Variants in MMS19 observed in about 807,000 individuals in gnomAD.
MMS19 encodes the protein MMS19 nucleotide excision repair protein homolog.
Under a neutral mutation model 129.8 loss-of-function variants are expected in MMS19, and 77 were observed. The ratio of observed to expected loss-of-function variants is 0.59; its 90% CI spans 0.49 to 0.72. MMS19 has a LOEUF of 0.72. Ranked by LOEUF, MMS19 falls within the 30% of genes least tolerant of loss-of-function variation. The pLI, the probability that MMS19 is intolerant of heterozygous loss-of-function variation, is 0.00. For missense variants in MMS19, 1,168 were observed against 1,266.3 expected (o/e 0.92, Z 1.18); for synonymous variants, 491 against 502.8 (o/e 0.98, Z 0.31).
rs1461903570 is a variant in MMS19, at chr10:97,460,970, G to A, written c.2349C>T (p.Asp783=). The change falls in exon 24 of 31, where the codon GAC becomes GAT. Residue 783 remains aspartate, a synonymous_variant. Transcript: ENST00000438925. ...CAGAGCCCAGGCCAGCCTCCACTTT[G>A]TCCACAGCTAGCTGTAGGAATTCAT... ...QLDEFLQLAV[D]KVEAGLGSGP... is the part of the protein sequence containing the mutation. 1.7e-5 allele frequency: 26 copies of A among 1,573,072 alleles called. No homozygotes were observed. The highest frequency in any genetic ancestry group is 2.7e-5 in the African/African-American group (2 of 74,102).
Position 97,460,102 on chromosome 10 carries a change from C to G in MMS19, c.2600G>C (p.Arg867Pro). ...AGCAGGCACATTATCTGTGAAGAAC[C>G]GCTGGCGGAACATGATCCGCACTTC... ...HAEVRIMFRQ[R>P]FFTDNVPALV... The change falls in exon 26 of 31, where the codon CGG becomes CCG. Residue 867 changes from arginine to proline, a missense_variant. By Grantham distance (103) the Arg-to-Pro change is moderately radical. Transcript: ENST00000438925. The G allele has an allele frequency of 3.1e-6, 5 of 1,614,006 alleles. No individual in the cohort carries two copies. Among genetic ancestry groups the G allele is most frequent in the Non-Finnish European group, 4.2e-6 (5 of 1,179,900 alleles).
rs2035254496 is a variant in MMS19, at chr10:97,473,910, A to C, written c.684+2773T>G. Among the ~76,000 whole-genome samples the C allele has an allele frequency of 2.0e-5, 3 of 152,144 alleles. No homozygotes were observed. In the South Asian group the frequency reaches 6.2e-4, roughly 32 times the overall value. ...GTAATCCCAACACTTTGGGAAGTCG[A>C]GGCAGGTGGATGGCTTGAGCCCAGG... On this transcript the variant is annotated intron_variant, in intron 8 of 30. Coordinates refer to ENST00000438925, the MANE Select transcript of MMS19 (RefSeq NM_022362.5).
chr10:97,458,953 A>G (rs2030741275), intron 29 of MMS19, 53 bp from the exon 30 acceptor site: 1 of 1,552,946 alleles, frequency 6.4e-7, no homozygotes, highest in Non-Finnish European at 8.9e-7. Context: ...AACTGAAAGT[A>G]CCGCTTTTTT....
chr10:97,487,582 GTGCTGGGATT>G (rs1263962148), intron 1 of MMS19, among the ~76,000 whole-genome samples: 1 of 152,040 alleles, frequency 6.6e-6, no homozygotes, highest in Non-Finnish European at 1.5e-5. Flanking sequence ...GCCTCCCAAA[GTGCTGGGATT>G]ACAGGCGTGA....
Position 97,458,615 on chromosome 10 carries a change from C to T in MMS19, c.*77G>A, listed in dbSNP as rs2030541471. The T allele has an allele frequency of 2.0e-6, 3 of 1,468,288 alleles. No individual in the cohort carries two copies. The highest frequency in any genetic ancestry group is 4.9e-5 in the East Asian group (2 of 40,638). 91.0% of individuals were successfully genotyped at this position (1,468,288 alleles called of 1,614,324 possible). The stretch of plus-strand genomic sequence containing the variant: ...AGGCAGTCAGAGACCAGTGGTTTCC[C>T]TGCTTTGGGGAAGATGGCTCAACAG... On this transcript the variant is annotated 3_prime_UTR_variant, in exon 31 of 31. Coordinates refer to ENST00000438925, the MANE Select transcript of MMS19 (RefSeq NM_022362.5).
intron 8 of MMS19, 35 bp from the exon 9 acceptor site, chr10:97,470,896 C>T: frequency 1.3e-6 from 2 of 1,581,570 alleles, no homozygotes; most frequent in South Asian, 2.2e-5. Flanking sequence ...GTTTGTGTAA[C>T]ATTTCAGACC....
intron 1 of MMS19, among the ~76,000 whole-genome samples, chr10:97,486,330 T>G (rs1166730609): frequency 6.6e-6 from 1 of 152,172 alleles, no homozygotes; most frequent in Admixed American, 6.5e-5. Context: ...TACAGGCGCA[T>G]GCCACCATGC....
At chr10:97,461,235 T>C in intron 23 of MMS19, 1 of 604,768 alleles carries the variant, frequency 1.7e-6, no homozygotes, top group South Asian at 2.1e-5. Context: ...AATAAAGAAT[T>C]ATCCACACTA....
At chr10:97,467,647 T>C (rs1408253394) in intron 13 of MMS19, 64 bp from the exon 14 acceptor site, 1 of 1,459,676 alleles carries the variant, frequency 6.9e-7, no homozygotes, top group East Asian at 2.3e-5. Context: ...CCTGCTACTC[T>C]GGATATAGGG....
intron 1 of MMS19, among the ~76,000 whole-genome samples, chr10:97,491,632 T>G (rs772134333): frequency 1.3e-5 from 2 of 152,106 alleles, no homozygotes; most frequent in Non-Finnish European, 2.9e-5. Context: ...GCCTGGGCGA[T>G]AGAGCGAGAC....
chr10:97,480,091 A>G, intron 3 of MMS19: 1 of 353,860 alleles, frequency 2.8e-6, no homozygotes, highest in African/African-American at 2.2e-5. Context: ...CATGTGTAGA[A>G]TATCATGGTG....
chr10:97,459,212 G>A lies in MMS19; in HGVS notation c.2964+11C>T, dbSNP rs1194905788. 1 of 1,609,446 alleles carries A rather than the reference G, an allele frequency of 6.2e-7. No homozygotes were observed. The highest frequency in any genetic ancestry group is 1.3e-5 in the African/African-American group (1 of 74,826). On this transcript the variant is annotated intron_variant, in intron 29 of 30. Transcript: ENST00000438925. ...GTTCCCAGGCCAGGGAAGGACACCT[G>A]AGGTACTTACCACAGGGGTGGGCAG...
Position 97,464,009 on chromosome 10 carries a change from A to G in MMS19, c.1761T>C (p.Asn587=), listed in dbSNP as rs758176725. 7.4e-6 allele frequency: 12 copies of G among 1,612,394 alleles called. No individual in the cohort carries two copies. The highest frequency in any genetic ancestry group is 9.3e-6 in the Non-Finnish European group (11 of 1,179,248). Residue 587 remains asparagine (N), a synonymous_variant, in exon 19 of 31, where the codon AAT becomes AAC. Transcript: ENST00000438925. ...LQHLWQVNRG[N]MVAQSSDVIA... ...TAACGTCACTGGATTGTGCAACCAT[A>G]TTCCCTGTTGATGAGAAAGTGTTCT...
chr10:97,459,355 A>G lies in MMS19; in HGVS notation c.2904+7T>C. ...TGGTGCCTAAGAGTTGCTGGGGCTC[A>G]ACGCACCATGGAAGGGCTAGAGCTG... On this transcript the variant is annotated splice_region_variant and intron_variant, in intron 28 of 30. Coordinates refer to ENST00000438925, the MANE Select transcript of MMS19 (RefSeq NM_022362.5). The G allele has an allele frequency of 6.2e-7, 1 of 1,608,054 alleles. No homozygotes were observed. The highest frequency in any genetic ancestry group is 2.2e-5 in the East Asian group (1 of 44,632).
At chr10:97,492,208 C>T (rs1222111053) in intron 1 of MMS19, among the ~76,000 whole-genome samples, 3 of 149,236 alleles carry the variant, frequency 2.0e-5, no homozygotes, top group African/African-American at 7.4e-5. Flanking sequence ...CGGTGGTTCA[C>T]GCCTGTAATC....
Position 97,469,651 on chromosome 10 carries a change from T to C in MMS19, c.919A>G (p.Arg307Gly), listed in dbSNP as rs2034272542. 1 of 1,613,446 alleles carries C rather than the reference T, an allele frequency of 6.2e-7. No homozygotes were observed. The highest frequency in any genetic ancestry group is 8.5e-7 in the Non-Finnish European group (1 of 1,179,390). Residue 307 changes from arginine to glycine, a missense_variant, in exon 11 of 31, where the codon AGA becomes GGA. Around this residue, in one of 3 missense-constraint regions of MMS19, gnomAD observed 831 missense variants for 910.8 expected, o/e 0.91. Coordinates refer to ENST00000438925, the MANE Select transcript of MMS19 (RefSeq NM_022362.5). ...TTTATCTGAGTGACACTCACCTCTCTGCGGATAGAAGCCCAAAGGCTGGGG... is the reference window on the plus strand; with the variant it reads ...TTTATCTGAGTGACACTCACCTCTCCGCGGATAGAAGCCCAAAGGCTGGGG... ...FLPSLWASIRREVFQTASERV... is the reference protein window; with the variant it reads ...FLPSLWASIRGEVFQTASERV...
rs1350521985 is a variant in MMS19, at chr10:97,466,144, C to T, written c.1521G>A (p.Leu507=). Residue 507 remains leucine, a synonymous_variant, in exon 17 of 31, where the codon CTG becomes CTA. Coordinates refer to ENST00000438925, the MANE Select transcript of MMS19 (RefSeq NM_022362.5). The part of the protein sequence containing the change: ...EDSQSCRVAA[L]EASGTLAALY... Reference sequence around the variant, plus strand: ...GAGCAGCCAGGGTTCCTGATGCTTCCAGTGCTGCCACCCTGCTGGAGGCGC... The same window carrying T: ...GAGCAGCCAGGGTTCCTGATGCTTCTAGTGCTGCCACCCTGCTGGAGGCGC... The T allele has an allele frequency of 1.3e-6, 2 of 1,572,906 alleles. No individual in the cohort carries two copies. The highest frequency in any genetic ancestry group is 1.7e-6 in the Non-Finnish European group (2 of 1,158,992).
intron 1 of MMS19, among the ~76,000 whole-genome samples, chr10:97,490,080 GTATCTACC>G (rs2038619669): frequency 6.6e-6 from 1 of 152,132 alleles, no homozygotes. Flanking sequence ...GGAGGGAGGA[GTATCTACC>G]TATATTATTT....
chr10:97,461,048 T>C lies in MMS19; in HGVS notation c.2312-41A>G, dbSNP rs551652324. The C allele has an allele frequency of 1.4e-5, 21 of 1,460,936 alleles. No individual in the cohort carries two copies. In the South Asian group the frequency reaches 2.6e-4, roughly 18 times the overall value. The allele number at this position is 1,460,936 out of a possible 1,614,324, so 90.5% of individuals were successfully genotyped here. ...GAAATGCTGACATAAAGGCTACACA[T>C]TTTCCCTTTAGCAATGAAATGCAAA... On this transcript the variant is annotated intron_variant, in intron 23 of 30. Coordinates refer to ENST00000438925, the MANE Select transcript of MMS19 (RefSeq NM_022362.5).
Sources: gnomAD v4.1 joint callset for allele counts (sites outside exome capture counted in the v4.1 genomes callset) on GRCh38, gnomAD v4.1.1 for gene constraint, gnomAD v4.1.1 regional missense constraint, MANE v1.5 for transcripts, NCBI Gene and HGNC (gene_info 2026-07-23, HGNC 2026-07-21) for gene names.